The following PHACTR1 variants were observed in gnomAD, a reference collection of about 807,000 sequenced individuals.
PHACTR1 encodes the protein RPEL repeat containing 1.
A neutral mutation model predicts 69.2 loss-of-function variants in PHACTR1; 16 were observed. That is an observed-to-expected ratio of 0.23 (90% CI 0.16 to 0.35). The LOEUF (loss-of-function observed/expected upper bound fraction) is 0.35. Among genes scored for constraint, PHACTR1 ranks in the 10% least tolerant of loss-of-function variants. PHACTR1 has a pLI of 1.00. For synonymous variants in PHACTR1, 312 were observed against 284.5 expected (o/e 1.10, Z -0.97); for missense variants, 510 against 734.7 (o/e 0.69, Z 3.54).
At chr6:13,174,504 C>T (rs1761054870) in intron 6 of PHACTR1, among the ~76,000 whole-genome samples, 1 of 152,206 alleles carries the variant, frequency 6.6e-6, no homozygotes, top group Non-Finnish European at 1.5e-5. Flanking sequence ...CATGGCACTT[C>T]ACTTACATAA....
intron 10 of PHACTR1, among the ~76,000 whole-genome samples, chr6:13,264,206 T>C (rs1776300264): frequency 6.6e-6 from 1 of 152,214 alleles, no homozygotes; most frequent in Non-Finnish European, 1.5e-5. Flanking sequence ...TGCAACCCAC[T>C]CTGTCCTGCT....
intron 4 of PHACTR1, among the ~76,000 whole-genome samples, chr6:12,968,401 A>G (rs1023180511): frequency 6.6e-6 from 1 of 152,324 alleles, no homozygotes; most frequent in African/African-American, 2.4e-5. Flanking sequence ...TATGCATAAC[A>G]TGAAATTTAG....
chr6:13,245,978 A>G lies in PHACTR1; in HGVS notation c.1391+15785A>G, dbSNP rs150189249. 2.9e-4 allele frequency among the ~76,000 whole-genome samples: 44 copies of G among 152,348 alleles called. No individual in the cohort carries two copies. The highest frequency in any genetic ancestry group is 9.6e-4 in the African/African-American group (40 of 41,574). On this transcript the variant is annotated intron_variant, in intron 10 of 14. Coordinates refer to ENST00000332995, the MANE Select transcript of PHACTR1 (RefSeq NM_030948.6). The surrounding 1 kb of genome is among the most constrained non-coding windows in gnomAD (Gnocchi z 4.1). ...TTTAGAACTTAAATGGACATTTACT[A>G]TCACTGCATCTAGCCTTAATTTTAC... is the stretch of plus-strand genomic sequence containing the variant.
chr6:12,827,883 G>A (rs1189987951), intron 4 of PHACTR1, among the ~76,000 whole-genome samples: 5 of 97,010 alleles, frequency 5.2e-5, no homozygotes, highest in Admixed American at 1.0e-4. Context: ...GTGAGGGTGA[G>A]GGGGGGTGAA....
At chr6:12,903,589 C>G (rs988847199) in intron 4 of PHACTR1, among the ~76,000 whole-genome samples, 3 of 152,230 alleles carry the variant, frequency 2.0e-5, no homozygotes, top group Admixed American at 1.3e-4. Context: ...GCCCTCCTGG[C>G]CTTTGCCCTT....
intron 4 of PHACTR1, among the ~76,000 whole-genome samples, chr6:12,772,946 T>C (rs1367513027): frequency 6.6e-6 from 1 of 152,244 alleles, no homozygotes; most frequent in Non-Finnish European, 1.5e-5. Context: ...CTCCCATTTT[T>C]AATTTAAACT....
intron 4 of PHACTR1, among the ~76,000 whole-genome samples, chr6:13,048,290 A>G (rs1805391462): frequency 6.6e-6 from 1 of 152,178 alleles, no homozygotes. Context: ...TTGACATTCA[A>G]GCTGATTCAT....
chr6:13,185,976 G>C (rs1305810370), intron 7 of PHACTR1, among the ~76,000 whole-genome samples: 1 of 152,130 alleles, frequency 6.6e-6, no homozygotes, highest in Non-Finnish European at 1.5e-5. Flanking sequence ...TCAACTCCGA[G>C]TTCAGCTAAT....
rs181800397 is a variant in PHACTR1, at chr6:12,927,441, A to G, written c.251-125924A>G. The stretch of plus-strand genomic sequence containing the variant: ...ATAATACTGTATAAGCATTAAAAAA[A>G]TCTCTTATATTGTAGGAACAACTCT... On this transcript the variant is annotated intron_variant, in intron 4 of 14. Coordinates refer to ENST00000332995, the MANE Select transcript of PHACTR1 (RefSeq NM_030948.6). Among the ~76,000 whole-genome samples, 231 of 151,392 alleles carry G rather than the reference A, an allele frequency of 1.5e-3. 1 individual carries two copies. Among genetic ancestry groups the G allele is most frequent in the African/African-American group, 5.3e-3 (217 of 40,820 alleles).
chr6:12,760,525 G>A (rs1479416102), intron 4 of PHACTR1, among the ~76,000 whole-genome samples: 1 of 152,110 alleles, frequency 6.6e-6, no homozygotes, highest in Non-Finnish European at 1.5e-5. Flanking sequence ...CAGAAGAAGA[G>A]CAGAGAAAGA....
intron 4 of PHACTR1, among the ~76,000 whole-genome samples, chr6:12,768,687 A>G (rs914903242): frequency 6.6e-6 from 1 of 152,044 alleles, no homozygotes; most frequent in Non-Finnish European, 1.5e-5. Context: ...TTTCTTTGGT[A>G]TATACCCAGA....
intron 4 of PHACTR1, among the ~76,000 whole-genome samples, chr6:13,043,018 A>T (rs1054927960): frequency 6.6e-6 from 1 of 152,208 alleles, no homozygotes; most frequent in Admixed American, 6.5e-5. Flanking sequence ...TAGTGGTTTC[A>T]GGCAGGGCTG....
At chr6:12,833,748 G>T (rs1777845365) in intron 4 of PHACTR1, among the ~76,000 whole-genome samples, 1 of 152,148 alleles carries the variant, frequency 6.6e-6, no homozygotes, top group African/African-American at 2.4e-5. Context: ...GGCAGCTGGG[G>T]TGAACACTTT....
At chr6:12,808,514 A>G (rs1396246111) in intron 4 of PHACTR1, among the ~76,000 whole-genome samples, 1 of 152,228 alleles carries the variant, frequency 6.6e-6, no homozygotes, top group Non-Finnish European at 1.5e-5. Flanking sequence ...ACCCATCATA[A>G]TGTATGAAAA....
At chr6:12,730,442 C>T (rs1466550834) in intron 3 of PHACTR1, among the ~76,000 whole-genome samples, 2 of 149,484 alleles carry the variant, frequency 1.3e-5, no homozygotes, top group African/African-American at 4.9e-5. Flanking sequence ...TCTCAGTTAA[C>T]ACTTATAAGG....
At chr6:13,255,240 C>T (rs12525892) in intron 10 of PHACTR1, among the ~76,000 whole-genome samples, 11,441 of 152,192 alleles carry the variant, frequency 0.075, 715 homozygotes, top group Admixed American at 0.22. Flanking sequence ...AGAACTCATT[C>T]ACTATCAGGA....
intron 4 of PHACTR1, among the ~76,000 whole-genome samples, chr6:13,046,821 A>C (rs1296835718): frequency 6.7e-6 from 1 of 149,546 alleles, no homozygotes; most frequent in Non-Finnish European, 1.5e-5. Context: ...AAAAAAAAAA[A>C]AATCAAAAAA....
intron 10 of PHACTR1, among the ~76,000 whole-genome samples, chr6:13,258,248 C>T (rs1385479077): frequency 6.6e-6 from 1 of 151,590 alleles, no homozygotes; most frequent in Non-Finnish European, 1.5e-5. Flanking sequence ...ATTCCAGCTT[C>T]TAGGGGGGAG....
intron 5 of PHACTR1, among the ~76,000 whole-genome samples, chr6:13,084,124 C>T (rs930720481): frequency 2.0e-5 from 3 of 151,890 alleles, no homozygotes; most frequent in Non-Finnish European, 4.4e-5. Context: ...GGAACTGACC[C>T]AAATGTCCAA....
Sources: gnomAD v4.1 joint callset for allele counts (sites outside exome capture counted in the v4.1 genomes callset) on GRCh38, gnomAD v4.1.1 for gene constraint, Gnocchi (gnomAD v3.1) non-coding constraint, MANE v1.5 for transcripts, NCBI Gene and HGNC (gene_info 2026-07-23, HGNC 2026-07-21) for gene names.